Variants in ATP2B1 observed in about 807,000 individuals in gnomAD.
The protein encoded by ATP2B1 is ATPase plasma membrane Ca2+ transporting 1, also known as plasma membrane calcium-transporting ATPase 1.
In ATP2B1, 14 loss-of-function variants were observed where a neutral mutation model predicts 124.2. That is an observed-to-expected ratio of 0.11 (90% CI 0.07 to 0.18). The LOEUF (loss-of-function observed/expected upper bound fraction) is 0.18, where lower values mean the gene tolerates loss of function less well. Ranked by LOEUF, ATP2B1 falls within the 10% of genes least tolerant of loss-of-function variation. ATP2B1 has a pLI of 1.00. For missense variants in ATP2B1, 763 were observed against 1,466.1 expected (o/e 0.52, Z 7.83); for synonymous variants, 449 against 492.4 (o/e 0.91, Z 1.17).
At chr12:89,645,352 C>T (rs546891903) in intron 2 of ATP2B1, among the ~76,000 whole-genome samples, 1 of 152,148 alleles carries the variant, frequency 6.6e-6, no homozygotes, top group East Asian at 1.9e-4. Flanking sequence ...AGTCTGTTTC[C>T]CAATACATAT....
chr12:89,643,259 T>TAC (rs1222081882), intron 2 of ATP2B1, among the ~76,000 whole-genome samples: 13 of 151,464 alleles, frequency 8.6e-5, no homozygotes, highest in African/African-American at 2.9e-4. Flanking sequence ...CACACACATA[T>TAC]ACACATATAT....
chr12:89,628,632 G>A (rs1881327652), intron 6 of ATP2B1, among the ~76,000 whole-genome samples: 1 of 152,110 alleles, frequency 6.6e-6, no homozygotes, highest in African/African-American at 2.4e-5. Context: ...AAGTAATGAA[G>A]GGACAGGCCT....
chr12:89,665,071 T>C (rs2037377), intron 1 of ATP2B1, among the ~76,000 whole-genome samples: 139,197 of 152,100 alleles, frequency 0.92, 64,178 homozygotes, highest in East Asian at 0.99. Context: ...CTCCGTGATC[T>C]GCCCGCCTCG....
chr12:89,701,367 A>T (rs1410148987), intron 1 of ATP2B1, among the ~76,000 whole-genome samples: 1 of 152,196 alleles, frequency 6.6e-6, no homozygotes, highest in Non-Finnish European at 1.5e-5. Flanking sequence ...ATTCATTTGG[A>T]GATAACATAA....
At chr12:89,674,137 T>G (rs1888330502) in intron 1 of ATP2B1, among the ~76,000 whole-genome samples, 1 of 152,180 alleles carries the variant, frequency 6.6e-6, no homozygotes, top group Non-Finnish European at 1.5e-5. Flanking sequence ...CAAGACACAA[T>G]AATTCCTGTC....
intron 1 of ATP2B1, among the ~76,000 whole-genome samples, chr12:89,704,839 T>C (rs1003751551): frequency 4.6e-5 from 7 of 152,126 alleles, no homozygotes; most frequent in African/African-American, 1.7e-4. Flanking sequence ...AAAATGTATA[T>C]GCCACTAAAG....
Position 89,616,817 on chromosome 12 carries a change from A to G in ATP2B1, c.2052T>C (p.Asp684=), listed in dbSNP as rs35414385. 3,205 of 1,613,690 alleles carry G rather than the reference A, an allele frequency of 2.0e-3. 48 individuals carry two copies. The African/African-American group carries it at 0.037, about 19-fold the overall frequency. The change falls in exon 12 of 21, where the codon GAT becomes GAC. Residue 684 remains aspartate (D), a synonymous_variant. Transcript: ENST00000428670. ...GTTTCACCACCTCAGGTCTCACAGG[A>G]TCTTCAATCCCCACAACAGCAATGC... ...LTCIAVVGIE[D]PVRPEVPDAI...
intron 3 of ATP2B1, among the ~76,000 whole-genome samples, chr12:89,637,886 T>C (rs535319875): frequency 1.9e-4 from 29 of 152,220 alleles, no homozygotes; most frequent in South Asian, 1.0e-3. Flanking sequence ...TTACGGACAA[T>C]TATACAATTT....
At chr12:89,676,916 G>T (rs894632901) in intron 1 of ATP2B1, among the ~76,000 whole-genome samples, 1 of 151,968 alleles carries the variant, frequency 6.6e-6, no homozygotes, top group South Asian at 2.1e-4. Flanking sequence ...TTTTCTACAC[G>T]GTGGCAAATC....
chr12:89,645,908 T>C (rs1411403171), intron 2 of ATP2B1, among the ~76,000 whole-genome samples: 2 of 152,082 alleles, frequency 1.3e-5, no homozygotes, highest in African/African-American at 2.4e-5. Flanking sequence ...GAGAGCAAGA[T>C]TGAAGGAAAA....
chr12:89,694,207 CTACT>C (rs1373505657), intron 1 of ATP2B1, among the ~76,000 whole-genome samples: 2 of 152,144 alleles, frequency 1.3e-5, no homozygotes, highest in Non-Finnish European at 2.9e-5. Flanking sequence ...AGATGTGTAT[CTACT>C]AACTAGATAT....
At chr12:89,594,833 G>A (rs1350640173) in intron 20 of ATP2B1, 2 of 151,878 alleles carry the variant, frequency 1.3e-5, no homozygotes, top group African/African-American at 4.8e-5. Flanking sequence ...AGAAGAGAGA[G>A]CTCTAAAATA....
At chr12:89,597,807 A>T (rs76287504) in intron 20 of ATP2B1, among the ~76,000 whole-genome samples, 2,246 of 152,236 alleles carry the variant, frequency 0.015, 53 homozygotes, top group African/African-American at 0.052. Context: ...CCTGAAAGAA[A>T]ATGTTATTTT....
intron 1 of ATP2B1, among the ~76,000 whole-genome samples, chr12:89,693,141 G>A (rs1192353746): frequency 6.6e-6 from 1 of 152,152 alleles, no homozygotes; most frequent in Non-Finnish European, 1.5e-5. Flanking sequence ...ACACAGACAA[G>A]GAAATGACTG....
At chr12:89,656,437 T>C (rs1192329744) in intron 1 of ATP2B1, among the ~76,000 whole-genome samples, 1 of 152,192 alleles carries the variant, frequency 6.6e-6, no homozygotes, top group Non-Finnish European at 1.5e-5. Flanking sequence ...ACTTAATCAT[T>C]ACAATTTAAT....
chr12:89,596,575 T>G (rs1874660747), intron 20 of ATP2B1, among the ~76,000 whole-genome samples: 1 of 152,162 alleles, frequency 6.6e-6, no homozygotes, highest in Non-Finnish European at 1.5e-5. Flanking sequence ...CTTAGGTACA[T>G]GCTGAAGTAT....
At chr12:89,633,644 C>T (rs960323123) in intron 5 of ATP2B1, among the ~76,000 whole-genome samples, 1 of 151,970 alleles carries the variant, frequency 6.6e-6, no homozygotes, top group Non-Finnish European at 1.5e-5. Context: ...TTTTGGCATG[C>T]ATTTATAAAT....
intron 5 of ATP2B1, among the ~76,000 whole-genome samples, chr12:89,632,084 T>C (rs1881961373): frequency 6.6e-6 from 1 of 152,190 alleles, no homozygotes; most frequent in South Asian, 2.1e-4. Flanking sequence ...TCTTATTCAC[T>C]AAAAGGCTTC....
intron 20 of ATP2B1, chr12:89,598,792 G>GAA (rs1023762184): frequency 1.3e-6 from 2 of 1,594,196 alleles, no homozygotes; most frequent in Non-Finnish European, 1.7e-6. Flanking sequence ...GAGAGAGAGA[G>GAA]AACAAGAGAA....
Sources: allele counts gnomAD v4.1 joint callset (sites outside exome capture counted in the v4.1 genomes callset), GRCh38; gene constraint gnomAD v4.1.1; transcripts MANE v1.5; gene names NCBI Gene and HGNC (gene_info 2026-07-23, HGNC 2026-07-21).